CDH4: variants seen among roughly 807,000 people sequenced by gnomAD.
The protein encoded by CDH4 is cadherin-4.
Under a neutral mutation model 86.0 loss-of-function variants are expected in CDH4, and 33 were observed. The ratio of observed to expected loss-of-function variants is 0.38; its 90% CI spans 0.29 to 0.51. The LOEUF (loss-of-function observed/expected upper bound fraction) is 0.51, where lower values mean the gene tolerates loss of function less well. Ranked by LOEUF, CDH4 falls within the 20% of genes least tolerant of loss-of-function variation. CDH4 has a pLI of 0.86. For missense variants in CDH4, 1,114 were observed against 1,307.4 expected (o/e 0.85, Z 2.28); for synonymous variants, 555 against 549.4 (o/e 1.01, Z -0.14).
At chr20:61,411,318 G>A (rs928936084) in intron 2 of CDH4, among the ~76,000 whole-genome samples, 2 of 148,098 alleles carry the variant, frequency 1.4e-5, no homozygotes, top group African/African-American at 5.0e-5. Context: ...TCCCCACTGA[G>A]CATCCACCTC....
At chr20:61,742,292 G>A (rs868646533) in intron 2 of CDH4, among the ~76,000 whole-genome samples, 3 of 152,182 alleles carry the variant, frequency 2.0e-5, no homozygotes, top group Middle Eastern at 6.8e-3. Flanking sequence ...GGAAATGCCT[G>A]GTGTCATCAC....
chr20:61,477,496 A>G (rs537748929), intron 2 of CDH4, among the ~76,000 whole-genome samples: 1 of 152,256 alleles, frequency 6.6e-6, no homozygotes, highest in South Asian at 2.1e-4. Flanking sequence ...ATGCATGCCA[A>G]TCCAGGCCAG....
intron 2 of CDH4, among the ~76,000 whole-genome samples, chr20:61,733,945 G>A (rs1279073949): frequency 2.0e-5 from 3 of 152,242 alleles, no homozygotes; most frequent in South Asian, 4.2e-4. Context: ...TGCTGCGCCC[G>A]TAAATGTCAG....
At chr20:61,407,744 G>A (rs529267613) in intron 2 of CDH4, among the ~76,000 whole-genome samples, 12 of 152,262 alleles carry the variant, frequency 7.9e-5, no homozygotes, top group East Asian at 3.9e-4. Context: ...TGAGAGGACC[G>A]TGGTGCAGTC....
rs767954523 is a variant in CDH4, at chr20:61,773,073, C to G, written c.467C>G (p.Pro156Arg). The G allele has an allele frequency of 3.3e-4, 534 of 1,613,614 alleles. 1 individual carries two copies. The highest frequency in any genetic ancestry group is 4.1e-4 in the South Asian group (37 of 91,038). ...PPPKDTLLPW[P>R]QHQNANGLRR... is the part of the protein sequence containing the mutation. ...CCGAAGGACACCCTGCTGCCGTGGCCCCAGCACCAGAACGCCAACGGGCTG... is the reference window on the plus strand; with the variant it reads ...CCGAAGGACACCCTGCTGCCGTGGCGCCAGCACCAGAACGCCAACGGGCTG... The change falls in exon 4 of 16, where the codon CCC (proline) becomes CGC (arginine). Residue 156 changes from proline (P) to arginine (R), a missense_variant. Pro to Arg is a moderately radical substitution (Grantham distance 103). Coordinates refer to ENST00000614565, the MANE Select transcript of CDH4 (RefSeq NM_001794.5).
intron 2 of CDH4, among the ~76,000 whole-genome samples, chr20:61,342,681 C>G (rs13044282): frequency 0.13 from 20,059 of 152,280 alleles, 1,713 homozygotes; most frequent in East Asian, 0.32. Context: ...GACCCCGACT[C>G]AGACCATTCA....
At chr20:61,607,614 G>T (rs532367313) in intron 2 of CDH4, among the ~76,000 whole-genome samples, 2 of 152,180 alleles carry the variant, frequency 1.3e-5, no homozygotes, top group Admixed American at 6.5e-5. Context: ...ACGTGGACTC[G>T]CAATAGCATC....
At chr20:61,611,692 T>G (rs954735842) in intron 2 of CDH4, among the ~76,000 whole-genome samples, 2 of 152,134 alleles carry the variant, frequency 1.3e-5, no homozygotes, top group African/African-American at 4.8e-5. Flanking sequence ...ATGTCTTGGT[T>G]GCACGCTCAG....
intron 2 of CDH4, among the ~76,000 whole-genome samples, chr20:61,534,648 C>CTTTCTTTTTTTTTTTTTT (rs1568881693): frequency 6.5e-5 from 7 of 108,384 alleles, no homozygotes; most frequent in African/African-American, 3.2e-4. Context: ...TTCTTTCTTT[C>CTTTCTTTTTTTTTTTTTT]TTTTCTTTCT....
At position 61,829,486 on chromosome 20, in the gene CDH4, A is replaced by C. The variant is rs1007793257; in HGVS notation, c.577-15182A>C. 6.6e-6 allele frequency among the ~76,000 whole-genome samples: 1 copy of C among 152,038 alleles called. No individual in the cohort carries two copies. Among genetic ancestry groups the C allele is most frequent in the Non-Finnish European group, 1.5e-5 (1 of 67,988 alleles). ...TGTGTGCAAGGCTTTCTGTGGACAG[A>C]TGTTGATTCTTAGGGTGTCTGCCCA... On this transcript the variant is annotated intron_variant, in intron 4 of 15. Coordinates refer to ENST00000614565, the MANE Select transcript of CDH4 (RefSeq NM_001794.5). This position sits in a 1 kb window ranked among gnomAD's most constrained non-coding sequence, Gnocchi z 4.2.
intron 2 of CDH4, among the ~76,000 whole-genome samples, chr20:61,521,336 C>T (rs1156264124): frequency 1.3e-5 from 2 of 152,184 alleles, no homozygotes; most frequent in Admixed American, 6.5e-5. Flanking sequence ...TTTTCCAAAG[C>T]TCCATCAAAT....
intron 2 of CDH4, among the ~76,000 whole-genome samples, chr20:61,448,696 T>A (rs1396243718): frequency 6.6e-6 from 1 of 152,168 alleles, no homozygotes; most frequent in African/African-American, 2.4e-5. Flanking sequence ...TCCGAAATCG[T>A]CACTGTGTTA....
intron 2 of CDH4, among the ~76,000 whole-genome samples, chr20:61,541,587 G>A (rs955631963): frequency 1.3e-5 from 2 of 152,208 alleles, no homozygotes; most frequent in African/African-American, 2.4e-5. Flanking sequence ...TAAGACCGGT[G>A]TAGAAAAGGT....
intron 8 of CDH4, among the ~76,000 whole-genome samples, chr20:61,895,564 T>C (rs1184624927): frequency 6.6e-6 from 1 of 152,158 alleles, no homozygotes; most frequent in Non-Finnish European, 1.5e-5. Context: ...CCCGAGCCCC[T>C]AGTTCACAGG....
chr20:61,574,300 G>A (rs1464745220), intron 2 of CDH4, among the ~76,000 whole-genome samples: 2 of 152,364 alleles, frequency 1.3e-5, no homozygotes, highest in East Asian at 1.9e-4. Context: ...ATGCCTGTGT[G>A]CCTCACCATG....
chr20:61,468,687 C>A (rs187037524), intron 2 of CDH4, among the ~76,000 whole-genome samples: 1 of 152,304 alleles, frequency 6.6e-6, no homozygotes, highest in African/African-American at 2.4e-5. Context: ...CCCACTCCCC[C>A]CTGCCAGCCT....
chr20:61,509,974 G>C (rs1478760341), intron 2 of CDH4, among the ~76,000 whole-genome samples: 7 of 152,210 alleles, frequency 4.6e-5, no homozygotes, highest in African/African-American at 1.7e-4. Context: ...TATGGCGAAG[G>C]TTCTCATTAA....
At position 61,936,774 on chromosome 20, in the gene CDH4, C is replaced by A; in HGVS notation, c.2582C>A (p.Pro861His). ...GCTGACAACGACCCCACGGCACCCC[C>A]CTATGACTCCCTGCTGGTCTTCGAC... Reference protein sequence around the residue: ...RAADNDPTAPPYDSLLVFDYE... With the variant: ...RAADNDPTAPHYDSLLVFDYE... Residue 861 changes from proline (P) to histidine (H), a missense_variant, in exon 16 of 16, where the codon CCC becomes CAC. Physicochemically the swap from Pro to His is moderately conservative, Grantham distance 77. This residue lies in a region of CDH4 where 188 missense variants were observed against 183.8 expected (regional missense o/e 1.02). Transcript: ENST00000614565. The A allele has an allele frequency of 6.2e-7, 1 of 1,609,840 alleles. No individual in the cohort carries two copies. Among genetic ancestry groups the A allele is most frequent in the Non-Finnish European group, 8.5e-7 (1 of 1,178,792 alleles).
chr20:61,538,647 T>C (rs777268526), intron 2 of CDH4, among the ~76,000 whole-genome samples: 1 of 152,188 alleles, frequency 6.6e-6, no homozygotes, highest in Non-Finnish European at 1.5e-5. Flanking sequence ...TGGGAGGCCA[T>C]GTGGCTGGGC....
Sources: allele counts gnomAD v4.1 joint callset (sites outside exome capture counted in the v4.1 genomes callset), GRCh38; gene constraint gnomAD v4.1.1; regional missense constraint gnomAD v4.1.1; non-coding constraint Gnocchi (gnomAD v3.1); transcripts MANE v1.5; gene names NCBI Gene and HGNC (gene_info 2026-07-23, HGNC 2026-07-21).